Variants in NET1 observed in about 807,000 individuals in gnomAD.
NET1 encodes neuroepithelial cell-transforming gene 1 protein.
A neutral mutation model predicts 61.1 loss-of-function variants in NET1; 42 were observed. That is an observed-to-expected ratio of 0.69 (90% CI 0.54 to 0.89). The LOEUF (loss-of-function observed/expected upper bound fraction) is 0.89. NET1 is among the 40% of genes least tolerant of loss of function. NET1 has a pLI of 0.00. For missense variants in NET1, 654 were observed against 747.3 expected (o/e 0.88, Z 1.46); for synonymous variants, 254 against 281.8 (o/e 0.90, Z 0.99).
chr10:5,419,730 G>GTTGTTA (rs761743168), intron 1 of NET1, among the ~76,000 whole-genome samples: 27 of 151,370 alleles, frequency 1.8e-4, no homozygotes, highest in Non-Finnish European at 3.4e-4. Context: ...TGTTGTTGTT[G>GTTGTTA]TTGTTTTTAT....
At position 5,429,163 on chromosome 10, in the gene NET1, C is replaced by G. The variant is rs1832308662; in HGVS notation, c.196-7C>G. ...ATATGAGAATGAAATCTCTATTTTT[C>G]TTTTAGAAAAGAAAACGCAGAGAGA... is the stretch of plus-strand genomic sequence containing the variant. On this transcript the variant is annotated splice_region_variant and splice_polypyrimidine_tract_variant and intron_variant, in intron 2 of 11. Transcript: ENST00000355029. 6.3e-7 allele frequency: 1 copy of G among 1,598,910 alleles called. No individual in the cohort carries two copies. Among genetic ancestry groups the G allele is most frequent in the Non-Finnish European group, 8.6e-7 (1 of 1,169,550 alleles).
At chr10:5,429,496 G>A (rs6601969) in intron 3 of NET1, among the ~76,000 whole-genome samples, 96,063 of 152,012 alleles carry the variant, frequency 0.63, 31,762 homozygotes, top group Admixed American at 0.72. Context: ...GAGACAGGCT[G>A]TAATCTGTGC....
At chr10:5,432,760 T>C (rs1363430507) in intron 3 of NET1, among the ~76,000 whole-genome samples, 1 of 142,046 alleles carries the variant, frequency 7.0e-6, no homozygotes, top group Non-Finnish European at 1.6e-5. Flanking sequence ...TTTTAAAATA[T>C]ATAAGCAACT....
At position 5,454,165 on chromosome 10, in the gene NET1, T is replaced by C; in HGVS notation, c.769-100T>C. The C allele has an allele frequency of 2.4e-6, 3 of 1,248,894 alleles. No individual in the cohort carries two copies. The highest frequency in any genetic ancestry group is 3.3e-6 in the Non-Finnish European group (3 of 898,458). 77.4% of individuals were successfully genotyped at this position (1,248,894 alleles called of 1,614,324 possible). A position where few individuals can be genotyped will look rare whatever the true frequency, so the allele number is the denominator to read the frequency against. On this transcript the variant is annotated intron_variant, in intron 8 of 11. Coordinates refer to ENST00000355029, the MANE Select transcript of NET1 (RefSeq NM_001047160.3). The surrounding 1 kb of genome is among the most constrained non-coding windows in gnomAD (Gnocchi z 8.1). ...AAATGTCCACAGCTTGTTAAAACTC[T>C]CAAGAATAGCTGTACATTTTGTGTT...
In NET1 at chr10:5,456,138, A is replaced by G. The variant is rs1224038057; in HGVS notation, c.1249A>G (p.Thr417Ala). 2 of 1,614,198 alleles carry G rather than the reference A, an allele frequency of 1.2e-6. No homozygotes were observed. The highest frequency in any genetic ancestry group is 1.6e-4 in the Middle Eastern group (1 of 6,062). The stretch of plus-strand genomic sequence containing the variant: ...CATCTTGGTTCTGACTCGGCCCGTC[A>G]CACGGAACGAACGGCACTCTTACCA... The part of the protein sequence containing the change: ...QDILVLTRPV[T>A]RNERHSYQVY... The change falls in exon 11 of 12, where the codon ACA (threonine) becomes GCA (alanine). Residue 417 changes from threonine (T) to alanine (A), a missense_variant. Transcript: ENST00000355029. This position sits in a 1 kb window ranked among gnomAD's most constrained non-coding sequence, Gnocchi z 7.0.
rs2119214280 is a variant in NET1, at chr10:5,453,561, G to T, written c.768+1G>T. ...GATTGGTCACATTCTCGTGAGCTGGGTATGTAGTGAGTTGTTGACCCCAGA... is the reference window on the plus strand; with the variant it reads ...GATTGGTCACATTCTCGTGAGCTGGTTATGTAGTGAGTTGTTGACCCCAGA... On this transcript the variant is annotated splice_donor_variant, in intron 8 of 11. Coordinates refer to ENST00000355029, the MANE Select transcript of NET1 (RefSeq NM_001047160.3). LOFTEE classifies it high-confidence loss of function. This position sits in a 1 kb window ranked among gnomAD's most constrained non-coding sequence, Gnocchi z 4.9. The T allele has an allele frequency of 6.2e-7, 1 of 1,613,770 alleles. No individual in the cohort carries two copies. The highest frequency in any genetic ancestry group is 8.5e-7 in the Non-Finnish European group (1 of 1,179,718).
At position 5,415,899 on chromosome 10, in the gene NET1, G is replaced by A. The variant is rs1256378897; in HGVS notation, c.128+3079G>A. Among the ~76,000 whole-genome samples the A allele has an allele frequency of 6.6e-6, 1 of 152,106 alleles. No individual in the cohort carries two copies. Among genetic ancestry groups the A allele is most frequent in the Non-Finnish European group, 1.5e-5 (1 of 68,012 alleles). Reference sequence around the variant, plus strand: ...TCGAAGCACAAAAATGTTTTAGTTTGTAGTCCTACTTGTCTATTTTTGCTT... The same window carrying A: ...TCGAAGCACAAAAATGTTTTAGTTTATAGTCCTACTTGTCTATTTTTGCTT... On this transcript the variant is annotated intron_variant, in intron 1 of 11. Coordinates refer to ENST00000355029, the MANE Select transcript of NET1 (RefSeq NM_001047160.3). The surrounding 1 kb of genome is among the most constrained non-coding windows in gnomAD (Gnocchi z 4.7).
At chr10:5,428,727 T>G (rs938649077) in intron 2 of NET1, among the ~76,000 whole-genome samples, 4 of 76,230 alleles carry the variant, frequency 5.2e-5, no homozygotes, top group African/African-American at 2.0e-4. Context: ...TTTTCTTTGT[T>G]TTTTTTTTTT....
rs976046641 is a variant in NET1 at position 5,444,371 on chromosome 10, C to G, written c.256-7459C>G. On this transcript the variant is annotated intron_variant, in intron 3 of 11. Transcript: ENST00000355029. The surrounding 1 kb of genome is among the most constrained non-coding windows in gnomAD (Gnocchi z 5.3). Reference sequence around the variant, plus strand: ...AAGAAGTAGCAACTCTCCTGCAAACCTTAGGCAATTACTTTTTATAGATTA... The same window carrying G: ...AAGAAGTAGCAACTCTCCTGCAAACGTTAGGCAATTACTTTTTATAGATTA... 5.3e-5 allele frequency among the ~76,000 whole-genome samples: 8 copies of G among 152,316 alleles called. No individual in the cohort carries two copies. In the South Asian group the frequency reaches 1.2e-3, roughly 24 times the overall value.
At chr10:5,419,307 G>GTTGA (rs1832130040) in intron 1 of NET1, among the ~76,000 whole-genome samples, 2 of 78,262 alleles carry the variant, frequency 2.6e-5, no homozygotes, top group African/African-American at 5.5e-5. Context: ...TTGGATCTTG[G>GTTGA]TTGGTTGGTT....
At position 5,455,997 on chromosome 10, in the gene NET1, AAATT is replaced by A; in HGVS notation, c.1198-86_1198-83del. ...AGATCTTCGAAAAATAAATCTGATG[AAATT>A]AATAATGTCGAGTTATTTTAGCAAT... On this transcript the variant is annotated intron_variant, in intron 10 of 11. Coordinates refer to ENST00000355029, the MANE Select transcript of NET1 (RefSeq NM_001047160.3). This position sits in a 1 kb window ranked among gnomAD's most constrained non-coding sequence, Gnocchi z 6.5. The A allele has an allele frequency of 8.0e-7, 1 of 1,256,546 alleles. No homozygotes were observed. Among genetic ancestry groups the A allele is most frequent in the Non-Finnish European group, 1.1e-6 (1 of 913,536 alleles). The allele number at this position is 1,256,546 out of a possible 1,614,324, so 77.8% of individuals were successfully genotyped here.
chr10:5,447,458 T>C lies in NET1; in HGVS notation c.256-4372T>C, dbSNP rs1478445536. Among the ~76,000 whole-genome samples the C allele has an allele frequency of 1.3e-5, 2 of 152,256 alleles. No individual in the cohort carries two copies. Among genetic ancestry groups the C allele is most frequent in the Non-Finnish European group, 2.9e-5 (2 of 68,042 alleles). On this transcript the variant is annotated intron_variant, in intron 3 of 11. Coordinates refer to ENST00000355029, the MANE Select transcript of NET1 (RefSeq NM_001047160.3). This position sits in a 1 kb window ranked among gnomAD's most constrained non-coding sequence, Gnocchi z 4.1. ...ATAAATCAAATTACTTTATGCCATT[T>C]TATGTAATCTTGATTTAACATTGTG...
At chr10:5,448,672 A>ATT (rs55722042) in intron 3 of NET1, among the ~76,000 whole-genome samples, 62,708 of 125,994 alleles carry the variant, frequency 0.5, 17,705 homozygotes, top group Admixed American at 0.63. Flanking sequence ...GGATTTTTGG[A>ATT]TTTTTTTTTT....
chr10:5,412,647 C>T lies in NET1; in HGVS notation c.-46C>T. 6.9e-7 allele frequency: 1 copy of T among 1,444,196 alleles called. No individual in the cohort carries two copies. The highest frequency in any genetic ancestry group is 9.0e-7 in the Non-Finnish European group (1 of 1,110,766). The allele number at this position is 1,444,196 out of a possible 1,614,324, so 89.5% of individuals were successfully genotyped here. On this transcript the variant is annotated 5_prime_UTR_variant, in exon 1 of 12. Coordinates refer to ENST00000355029, the MANE Select transcript of NET1 (RefSeq NM_001047160.3). The surrounding 1 kb of genome is among the most constrained non-coding windows in gnomAD (Gnocchi z 6.5). ...TGGCGGGCATCGTGCCCGTCCCTGCCGGTCTCCCGGGCACCCGGCCACCGC... is the reference window on the plus strand; with the variant it reads ...TGGCGGGCATCGTGCCCGTCCCTGCTGGTCTCCCGGGCACCCGGCCACCGC...
At position 5,417,141 on chromosome 10, in the gene NET1, C is replaced by T. The variant is rs575516794; in HGVS notation, c.128+4321C>T. 2.0e-5 allele frequency among the ~76,000 whole-genome samples: 3 copies of T among 152,208 alleles called. No individual in the cohort carries two copies. The highest frequency in any genetic ancestry group is 4.8e-5 in the African/African-American group (2 of 41,466). On this transcript the variant is annotated intron_variant, in intron 1 of 11. Coordinates refer to ENST00000355029, the MANE Select transcript of NET1 (RefSeq NM_001047160.3). The surrounding 1 kb of genome is among the most constrained non-coding windows in gnomAD (Gnocchi z 5.5). The stretch of plus-strand genomic sequence containing the variant: ...CCTGGCCAAGCTCTGCGTCATTCTG[C>T]GAATCGATGGCCTGCCAGCTGGCCT...
intron 1 of NET1, among the ~76,000 whole-genome samples, chr10:5,414,163 A>G (rs1832043782): frequency 6.6e-6 from 1 of 152,158 alleles, no homozygotes; most frequent in Admixed American, 6.5e-5. Context: ...TGATATTTGT[A>G]TAGAGGAGAG....
chr10:5,458,719 T>C lies in NET1; in HGVS notation c.*1725T>C, dbSNP rs1832850854. On this transcript the variant is annotated 3_prime_UTR_variant, in exon 12 of 12. Coordinates refer to ENST00000355029, the MANE Select transcript of NET1 (RefSeq NM_001047160.3). This position sits in a 1 kb window ranked among gnomAD's most constrained non-coding sequence, Gnocchi z 4.5. ...TACTTTCTGGATAGGATAGTAAGGG[T>C]AGTAGTGGCAAAGGATCCTGATTAA... is the stretch of plus-strand genomic sequence containing the variant. 6.6e-6 allele frequency among the ~76,000 whole-genome samples: 1 copy of C among 152,134 alleles called. No homozygotes were observed. The highest frequency in any genetic ancestry group is 2.4e-5 in the African/African-American group (1 of 41,424).
intron 2 of NET1, among the ~76,000 whole-genome samples, chr10:5,428,288 A>T (rs1832292612): frequency 6.6e-6 from 1 of 152,174 alleles, no homozygotes; most frequent in South Asian, 2.1e-4. Context: ...GAAATGGTAG[A>T]TATGTACACA....
rs1190157743 is a variant in NET1, at chr10:5,420,072, A to G, written c.129-6583A>G. Among the ~76,000 whole-genome samples, 4 of 152,090 alleles carry G rather than the reference A, an allele frequency of 2.6e-5. No individual in the cohort carries two copies. On this transcript the variant is annotated intron_variant, in intron 1 of 11. Coordinates refer to ENST00000355029, the MANE Select transcript of NET1 (RefSeq NM_001047160.3). This position sits in a 1 kb window ranked among gnomAD's most constrained non-coding sequence, Gnocchi z 5.3. ...GGTTGTTTTTCAATAAATTTGGAGA[A>G]GCTTCAGCCATTGTTTCTCTGAAGT...
Sources: gnomAD v4.1 joint callset for allele counts (sites outside exome capture counted in the v4.1 genomes callset) on GRCh38, gnomAD v4.1.1 for gene constraint, Gnocchi (gnomAD v3.1) non-coding constraint, MANE v1.5 for transcripts, NCBI Gene and HGNC (gene_info 2026-07-23, HGNC 2026-07-21) for gene names.